DMRTC2: variants seen among roughly 807,000 people sequenced by gnomAD.
The protein encoded by DMRTC2 is doublesex- and mab-3-related transcription factor C2.
In DMRTC2, 13 loss-of-function variants were observed where a neutral mutation model predicts 39.9. The observed-to-expected ratio is 0.33, with a 90% CI of 0.21 to 0.52. DMRTC2 has a LOEUF of 0.52. Among genes scored for constraint, DMRTC2 ranks in the 20% least tolerant of loss-of-function variants. The pLI is 0.96. For missense variants in DMRTC2, 431 were observed against 472.8 expected (o/e 0.91, Z 0.82); for synonymous variants, 189 against 185.2 (o/e 1.02, Z -0.17).
chr19:41,845,634 C>G (rs909194290), intron 1 of DMRTC2, among the ~76,000 whole-genome samples: 2 of 152,170 alleles, frequency 1.3e-5, no homozygotes, highest in Admixed American at 6.6e-5. Flanking sequence ...CAAGACCAGC[C>G]TGGCCAACAT....
intron 1 of DMRTC2, among the ~76,000 whole-genome samples, chr19:41,846,356 A>T (rs1555835847): frequency 6.6e-6 from 1 of 152,064 alleles, no homozygotes; most frequent in African/African-American, 2.4e-5. Flanking sequence ...GTTGGAACCT[A>T]GGATGTGTGT....
At chr19:41,850,850 GC>G in intron 8 of DMRTC2, 150 bp downstream of exon 8, 1 of 739,218 alleles carries the variant, frequency 1.4e-6, no homozygotes, top group Non-Finnish European at 2.0e-6. Context: ...CCCTGGGATT[GC>G]AGTTGAGAGT....
intron 8 of DMRTC2, chr19:41,850,970 G>C (rs1392851346): frequency 5.7e-5 from 22 of 385,434 alleles, no homozygotes; most frequent in Middle Eastern, 6.4e-4. Context: ...CATATAGTGA[G>C]ACAGTGGCAG....
rs1271150208 is a variant in DMRTC2 at position 41,850,370 on chromosome 19, C to G, written c.814C>G (p.Gln272Glu). The G allele has an allele frequency of 6.5e-7, 1 of 1,527,294 alleles. No individual in the cohort carries two copies. The highest frequency in any genetic ancestry group is 1.8e-4 in the Middle Eastern group (1 of 5,676). The allele number at this position is 1,527,294 out of a possible 1,614,324, so 94.6% of individuals were successfully genotyped here. ...GTPDPLQLQP[Q>E]ASGASCLART... Reference sequence around the variant, plus strand: ...CCCAGACCCTCTTCAGCTACAGCCACAGGTCCTGGGAAAGAAGTGGGATCT... The same window carrying G: ...CCCAGACCCTCTTCAGCTACAGCCAGAGGTCCTGGGAAAGAAGTGGGATCT... The change falls in exon 7 of 9, where the codon CAG (glutamine) becomes GAG (glutamate). Residue 272 changes from glutamine to glutamate, a missense_variant and splice_region_variant. Coordinates refer to ENST00000269945, the MANE Select transcript of DMRTC2 (RefSeq NM_001040283.3).
rs540558918 is a variant in DMRTC2, at chr19:41,845,773, G to C, written c.-5+672G>C. 2.0e-5 allele frequency among the ~76,000 whole-genome samples: 3 copies of C among 152,320 alleles called. No individual in the cohort carries two copies. In the South Asian group the frequency reaches 6.2e-4, roughly 32 times the overall value. On this transcript the variant is annotated intron_variant, in intron 1 of 8. Transcript: ENST00000269945. ...ACCCAGGAGGCGGAGGTTGCAGTGA[G>C]CCGGGATTGCACTACTGCACTACAG... is the stretch of plus-strand genomic sequence containing the variant.
At chr19:41,848,699 G>A in intron 4 of DMRTC2, 96 bp from the exon 5 acceptor site, 3 of 1,587,768 alleles carry the variant, frequency 1.9e-6, no homozygotes, top group Non-Finnish European at 8.6e-7. Flanking sequence ...GGGCCTCCCA[G>A]CCCCAAAGTT....
intron 4 of DMRTC2, 119 bp from the exon 5 acceptor site, chr19:41,848,676 G>T (rs1164681591): frequency 1.3e-6 from 2 of 1,539,824 alleles, no homozygotes; most frequent in Admixed American, 1.7e-5. Flanking sequence ...TAGGCAAAAT[G>T]AGGGGAAAAC....
intron 8 of DMRTC2, 39 bp from the exon 9 acceptor site, chr19:41,851,545 A>G: frequency 6.4e-7 from 1 of 1,557,754 alleles, no homozygotes; most frequent in Non-Finnish European, 8.8e-7. Context: ...AAGGAAAAAC[A>G]GGTGTGACCT....
intron 3 of DMRTC2, 78 bp downstream of exon 3, chr19:41,847,959 T>C (rs1218015964): frequency 2.7e-6 from 4 of 1,498,006 alleles, no homozygotes; most frequent in Non-Finnish European, 3.6e-6. Flanking sequence ...CCAGTCCTGC[T>C]GCTGAATTGG....
In DMRTC2 at chr19:41,847,480, C is replaced by T; in HGVS notation, c.52C>T (p.Pro18Ser). The part of the protein sequence containing the change: ...AGYHCPLDSA[P>S]WDETRDPQST... ...CTACCACTGCCCCTTAGACTCTGCC[C>T]CCTGGGATGAGACCAGAGACCCCCA... Residue 18 changes from proline (P) to serine (S), a missense_variant, in exon 2 of 9, where the codon CCC (proline) becomes TCC (serine). Transcript: ENST00000269945. The T allele has an allele frequency of 1.2e-6, 2 of 1,610,426 alleles. No homozygotes were observed. Among genetic ancestry groups the T allele is most frequent in the African/African-American group, 1.3e-5 (1 of 74,916 alleles).
intron 3 of DMRTC2, 149 bp from the exon 4 acceptor site, chr19:41,848,303 G>T (rs556314105): frequency 1.0e-4 from 65 of 641,046 alleles, no homozygotes; most frequent in East Asian, 7.9e-4. Flanking sequence ...CCAAGATCAC[G>T]CCACTGCACT....
rs375134520 is a variant in DMRTC2, at chr19:41,847,627, G to A, written c.199G>A (p.Glu67Lys). The A allele has an allele frequency of 1.9e-5, 30 of 1,614,216 alleles. No homozygotes were observed. Among genetic ancestry groups the A allele is most frequent in the East Asian group, 4.5e-5 (2 of 44,884 alleles). The change falls in exon 2 of 9, where the codon GAG (glutamate) becomes AAG (lysine). Residue 67 changes from glutamate (E) to lysine (K), a missense_variant. By Grantham distance (56) the Glu-to-Lys change is moderately conservative (BLOSUM62 1). Coordinates refer to ENST00000269945, the MANE Select transcript of DMRTC2 (RefSeq NM_001040283.3). ...GCGCCTCTGCCTCTTCCAGGCTTGC[G>A]AGTGTCACAAATGTGTCCTCATCCT... is the stretch of plus-strand genomic sequence containing the variant. ...HKRLCLFQAC[E>K]CHKCVLILER...
In DMRTC2 at chr19:41,850,561, C is replaced by T. The variant is rs2305809; in HGVS notation, c.852C>T (p.Gly284=). ...SGASCLARTS[G]PSEWQLQQEA... Reference sequence around the variant, plus strand: ...CCTCGTGCCTGGCCCGGACATCTGGCCCCTCAGAGTGGCAGCTGCAGCAAG... The same window carrying T: ...CCTCGTGCCTGGCCCGGACATCTGGTCCCTCAGAGTGGCAGCTGCAGCAAG... The change falls in exon 8 of 9, where the codon GGC becomes GGT. Residue 284 remains glycine, a synonymous_variant. Coordinates refer to ENST00000269945, the MANE Select transcript of DMRTC2 (RefSeq NM_001040283.3). The T allele has an allele frequency of 0.5, 806,546 of 1,612,916 alleles. 207,434 individuals carry two copies. The highest frequency in any genetic ancestry group is 0.57 in the Middle Eastern group (3,483 of 6,060).
intron 8 of DMRTC2, chr19:41,851,012 T>C (rs1555837277): frequency 6.6e-6 from 2 of 302,374 alleles, no homozygotes; most frequent in Non-Finnish European, 1.2e-5. Flanking sequence ...GGACCCAGGC[T>C]GCCTGCTGAA....
intron 8 of DMRTC2, 39 bp downstream of exon 8, chr19:41,850,739 G>A: frequency 6.6e-7 from 1 of 1,520,340 alleles, no homozygotes; most frequent in Non-Finnish European, 8.8e-7. Context: ...GGATGGCTGG[G>A]AAATGGAGAT....
rs77891616 is a variant in DMRTC2 at position 41,851,846 on chromosome 19, A to G, written c.*150A>G. 2.2e-4 allele frequency: 153 copies of G among 683,164 alleles called. 3 individuals carry two copies. The African/African-American group carries it at 2.6e-3, about 11-fold the overall frequency. 42.3% of individuals were successfully genotyped at this position (683,164 alleles called of 1,614,324 possible). ...TGTTTGTTTGTTTGTTTGTTTGTTT[A>G]AGCTTTCAGGTGCTTCATTAGCTTT... is the stretch of plus-strand genomic sequence containing the variant. On this transcript the variant is annotated 3_prime_UTR_variant, in exon 9 of 9. Coordinates refer to ENST00000269945, the MANE Select transcript of DMRTC2 (RefSeq NM_001040283.3).
intron 6 of DMRTC2, among the ~76,000 whole-genome samples, chr19:41,849,538 C>T (rs782780720): frequency 2.6e-5 from 4 of 152,214 alleles, no homozygotes; most frequent in Non-Finnish European, 4.4e-5. Context: ...CTAGCACAGA[C>T]TCTTTAATGG....
Position 41,847,721 on chromosome 19 carries a change from A to G in DMRTC2, c.225-15A>G. 1.2e-6 allele frequency: 2 copies of G among 1,613,728 alleles called. No individual in the cohort carries two copies. The highest frequency in any genetic ancestry group is 1.7e-6 in the Non-Finnish European group (2 of 1,179,886). ...AAGGGTGGCTGACCTTTGACTTGCA[A>G]CTCCCCACTTTTAGGGAGCGCCGCA... On this transcript the variant is annotated splice_polypyrimidine_tract_variant and intron_variant, in intron 2 of 8. Coordinates refer to ENST00000269945, the MANE Select transcript of DMRTC2 (RefSeq NM_001040283.3).
intron 4 of DMRTC2, 109 bp from the exon 5 acceptor site, chr19:41,848,686 C>A: frequency 6.4e-7 from 1 of 1,561,068 alleles, no homozygotes; most frequent in Non-Finnish European, 8.8e-7. Context: ...GAGGGGAAAA[C>A]GAGGGCCTCC....
Sources: gnomAD v4.1 joint callset for allele counts (sites outside exome capture counted in the v4.1 genomes callset) on GRCh38, gnomAD v4.1.1 for gene constraint, MANE v1.5 for transcripts, NCBI Gene and HGNC (gene_info 2026-07-23, HGNC 2026-07-21) for gene names.